MYZAP: variants seen among roughly 807,000 people sequenced by gnomAD.
MYZAP encodes the protein GRINL1A complex locus upstream.
A neutral mutation model predicts 69.4 loss-of-function variants in MYZAP; 66 were observed. That is an observed-to-expected ratio of 0.95 (90% CI 0.78 to 1.17). MYZAP has a LOEUF of 1.17. Ranked by LOEUF, MYZAP falls within the 50% of genes most tolerant of loss-of-function variation. MYZAP has a pLI of 0.00. For missense variants in MYZAP, 611 were observed against 556.2 expected (o/e 1.10, Z -0.99); for synonymous variants, 256 against 205.9 (o/e 1.24, Z -2.09).
chr15:57,632,219 C>T (rs138410674), intron 6 of MYZAP, among the ~76,000 whole-genome samples: 175 of 152,262 alleles, frequency 1.1e-3, no homozygotes, highest in African/African-American at 4.0e-3. Context: ...TGAGAATGCC[C>T]CCAAAATTCG....
At chr15:57,598,124 G>A (rs984331650) in intron 1 of MYZAP, among the ~76,000 whole-genome samples, 4 of 152,156 alleles carry the variant, frequency 2.6e-5, no homozygotes, top group African/African-American at 9.7e-5. Context: ...TCCCCTGGGT[G>A]AGCCAAGGTG....
chr15:57,676,434 A>ATG (rs1555465173), intron 12 of MYZAP, among the ~76,000 whole-genome samples: 4 of 89,232 alleles, frequency 4.5e-5, no homozygotes, highest in African/African-American at 2.0e-4. Context: ...ATATATATAT[A>ATG]TGTATATATA....
At position 57,601,729 on chromosome 15, in the gene MYZAP, A is replaced by C. The variant is rs1287125302; in HGVS notation, c.76-2540A>C. Among the ~76,000 whole-genome samples, 15 of 152,140 alleles carry C rather than the reference A, an allele frequency of 9.9e-5. No individual in the cohort carries two copies. The East Asian group carries it at 2.9e-3, about 29-fold the overall frequency. On this transcript the variant is annotated intron_variant, in intron 1 of 12. Transcript: ENST00000267853. The stretch of plus-strand genomic sequence containing the variant: ...AAGAGGAGGATGAGGATGGAGAGGG[A>C]TCTTGAAACCAAGTCATGTGATTTA...
At chr15:57,680,231 A>G (rs1191271508) in intron 12 of MYZAP, among the ~76,000 whole-genome samples, 1 of 151,732 alleles carries the variant, frequency 6.6e-6, no homozygotes. Flanking sequence ...TTGCTCCTTG[A>G]CTCACTCACT....
At chr15:57,661,398 C>T in intron 10 of MYZAP, 52 bp from the exon 11 acceptor site, 1 of 1,364,194 alleles carries the variant, frequency 7.3e-7, no homozygotes, top group Middle Eastern at 2.5e-4. Flanking sequence ...TAAACCTGTA[C>T]TTACACAATT....
At chr15:57,646,904 T>G in intron 10 of MYZAP, 1 of 985,468 alleles carries the variant, frequency 1.0e-6, no homozygotes, top group Non-Finnish European at 1.2e-6. Flanking sequence ...ATGTATGTTT[T>G]ATTTTTATAG....
chr15:57,657,933 G>A (rs2038085869), intron 10 of MYZAP, among the ~76,000 whole-genome samples: 2 of 152,112 alleles, frequency 1.3e-5, no homozygotes, highest in East Asian at 3.8e-4. Flanking sequence ...AATAGTTTTG[G>A]GCAAATTTAA....
intron 12 of MYZAP, among the ~76,000 whole-genome samples, chr15:57,682,682 A>G (rs777452212): frequency 4.6e-5 from 7 of 152,300 alleles, no homozygotes; most frequent in Admixed American, 1.3e-4. Flanking sequence ...AGCCAGGGAC[A>G]TGGGACCCTT....
intron 11 of MYZAP, among the ~76,000 whole-genome samples, chr15:57,671,011 G>T (rs2038841424): frequency 6.6e-6 from 1 of 152,034 alleles, no homozygotes; most frequent in Non-Finnish European, 1.5e-5. Flanking sequence ...GAAATTAAGA[G>T]AAACTAGATT....
chr15:57,632,538 T>G lies in MYZAP; in HGVS notation c.783T>G (p.Ser261Arg). Reference sequence around the variant, plus strand: ...TGCAGGAAGAACAGAGGAAGCACAGTGCTGAGAAGGAGGCTCTTTTGGTGT... The same window carrying G: ...TGCAGGAAGAACAGAGGAAGCACAGGGCTGAGAAGGAGGCTCTTTTGGTGT... ...EKLQEEQRKH[S>R]AEKEALLEET... The change falls in exon 7 of 13, where the codon AGT (serine) becomes AGG (arginine). Residue 261 changes from serine to arginine, a missense_variant. Coordinates refer to ENST00000267853, the MANE Select transcript of MYZAP (RefSeq NM_001018100.5). 6.2e-7 allele frequency: 1 copy of G among 1,614,178 alleles called. No individual in the cohort carries two copies. Among genetic ancestry groups the G allele is most frequent in the Non-Finnish European group, 8.5e-7 (1 of 1,180,020 alleles).
At position 57,604,307 on chromosome 15, in the gene MYZAP, G is replaced by C. The variant is rs1490181152; in HGVS notation, c.114G>C (p.Glu38Asp). 1.9e-6 allele frequency: 3 copies of C among 1,614,204 alleles called. No homozygotes were observed. In the African/African-American group the frequency reaches 4.0e-5, roughly 22 times the overall value. The change falls in exon 2 of 13, where the codon GAG (glutamate) becomes GAC (aspartate). Residue 38 changes from glutamate to aspartate, a missense_variant. By Grantham distance (45) the Glu-to-Asp change is conservative. Coordinates refer to ENST00000267853, the MANE Select transcript of MYZAP (RefSeq NM_001018100.5). ...VCRLRLTVPP[E>D]SPVPEQCEKK... is the part of the protein sequence containing the mutation. Reference sequence around the variant, plus strand: ...GACTACGGCTGACCGTACCTCCTGAGAGTCCAGTTCCTGAGCAATGTGAAA... The same window carrying C: ...GACTACGGCTGACCGTACCTCCTGACAGTCCAGTTCCTGAGCAATGTGAAA...
intron 3 of MYZAP, 72 bp downstream of exon 3, chr15:57,618,260 C>T: frequency 6.5e-7 from 1 of 1,544,016 alleles, no homozygotes; most frequent in Non-Finnish European, 8.7e-7. Flanking sequence ...GAGTTGGAAG[C>T]ATTGAAGTGA....
At chr15:57,610,776 A>T (rs968793572) in intron 2 of MYZAP, among the ~76,000 whole-genome samples, 2 of 152,032 alleles carry the variant, frequency 1.3e-5, no homozygotes, top group African/African-American at 4.8e-5. Context: ...CCAACTCTTC[A>T]CCCTACAACC....
chr15:57,605,057 A>G (rs1177342335), intron 2 of MYZAP, among the ~76,000 whole-genome samples: 1 of 152,182 alleles, frequency 6.6e-6, no homozygotes, highest in Admixed American at 6.5e-5. Context: ...AAGGATAAAG[A>G]GGAGGTCCTG....
chr15:57,622,206 A>G lies in MYZAP; in HGVS notation c.411+506A>G, dbSNP rs145769294. Among the ~76,000 whole-genome samples, 55 of 152,266 alleles carry G rather than the reference A, an allele frequency of 3.6e-4. No individual in the cohort carries two copies. In the East Asian group the frequency reaches 0.01, roughly 28 times the overall value. ...AGAGGATATAAAATTAATATATAATATACAAAGAGGTTTCAATATACAAAA... is the reference window on the plus strand; with the variant it reads ...AGAGGATATAAAATTAATATATAATGTACAAAGAGGTTTCAATATACAAAA... On this transcript the variant is annotated intron_variant, in intron 4 of 12. Coordinates refer to ENST00000267853, the MANE Select transcript of MYZAP (RefSeq NM_001018100.5).
intron 12 of MYZAP, among the ~76,000 whole-genome samples, chr15:57,679,627 A>G (rs79028811): frequency 0.1 from 15,730 of 152,008 alleles, 1,039 homozygotes; most frequent in Middle Eastern, 0.18. Flanking sequence ...TTCTCCACCT[A>G]TCTCCCTGGT....
At chr15:57,646,408 C>T in intron 10 of MYZAP, 3 of 1,101,314 alleles carry the variant, frequency 2.7e-6, no homozygotes, top group Non-Finnish European at 3.3e-6. Context: ...CAGCCTCAAA[C>T]TGCAGAGTCA....
chr15:57,598,152 G>A (rs533105564), intron 1 of MYZAP, among the ~76,000 whole-genome samples: 1 of 152,300 alleles, frequency 6.6e-6, no homozygotes, highest in East Asian at 1.9e-4. Flanking sequence ...TTGAGAGCAT[G>A]ATGTTACTGG....
At chr15:57,657,444 G>A (rs1256699896) in intron 10 of MYZAP, among the ~76,000 whole-genome samples, 1 of 152,118 alleles carries the variant, frequency 6.6e-6, no homozygotes, top group African/African-American at 2.4e-5. Flanking sequence ...CAGAAGTATT[G>A]CATTTATCCA....
Sources: allele counts gnomAD v4.1 joint callset (sites outside exome capture counted in the v4.1 genomes callset), GRCh38; gene constraint gnomAD v4.1.1; transcripts MANE v1.5; gene names NCBI Gene and HGNC (gene_info 2026-07-23, HGNC 2026-07-21).